The following SEMA5A variants were observed in gnomAD, a reference collection of about 807,000 sequenced individuals.
The protein encoded by SEMA5A is semaphorin 5A.
SEMA5A carries 55 observed loss-of-function variants against 135.5 expected under a neutral mutation model. That is an observed-to-expected ratio of 0.41 (90% confidence interval 0.33 to 0.51). SEMA5A has a LOEUF of 0.51. Ranked by LOEUF, SEMA5A falls within the 20% of genes least tolerant of loss-of-function variation. SEMA5A has a pLI of 0.37. For synonymous variants in SEMA5A, 580 were observed against 546.5 expected (o/e 1.06, Z -0.85); for missense variants, 1,290 against 1,419.9 (o/e 0.91, Z 1.47).
intron 3 of SEMA5A, among the ~76,000 whole-genome samples, chr5:9,354,215 A>G (rs1168622836): frequency 1.3e-5 from 2 of 152,102 alleles, no homozygotes; most frequent in Admixed American, 1.3e-4. Context: ...TCAAGGTACT[A>G]ACCTGCCAAG....
chr5:9,094,552 T>C (rs1739218012), intron 16 of SEMA5A, among the ~76,000 whole-genome samples: 1 of 152,260 alleles, frequency 6.6e-6, no homozygotes, highest in African/African-American at 2.4e-5. Flanking sequence ...ATTCCATCTG[T>C]CTGCCTCTGC....
intron 4 of SEMA5A, among the ~76,000 whole-genome samples, chr5:9,331,336 A>C (rs1289975633): frequency 6.6e-6 from 1 of 152,214 alleles, no homozygotes; most frequent in Admixed American, 6.5e-5. Context: ...CATTTTGTAA[A>C]GAAGAAACTC....
intron 11 of SEMA5A, among the ~76,000 whole-genome samples, chr5:9,158,208 C>T (rs960036401): frequency 7.9e-5 from 12 of 152,136 alleles, no homozygotes; most frequent in Admixed American, 5.2e-4. Flanking sequence ...ATATTTTTCC[C>T]ATTATAATCT....
At chr5:9,372,928 C>T (rs1439216749) in intron 3 of SEMA5A, among the ~76,000 whole-genome samples, 4 of 152,186 alleles carry the variant, frequency 2.6e-5, no homozygotes, top group Non-Finnish European at 5.9e-5. Context: ...GCAGGAGGAG[C>T]AGGTGGCAGG....
chr5:9,347,676 A>G (rs1753936539), intron 3 of SEMA5A, among the ~76,000 whole-genome samples: 1 of 152,202 alleles, frequency 6.6e-6, no homozygotes, highest in Non-Finnish European at 1.5e-5. Context: ...CAGTGAGGGC[A>G]GGAGCAGGGA....
intron 11 of SEMA5A, among the ~76,000 whole-genome samples, chr5:9,156,470 G>A (rs1229552704): frequency 2.0e-5 from 3 of 152,208 alleles, no homozygotes; most frequent in Admixed American, 6.5e-5. Context: ...TTCCTGTGGA[G>A]CAGTGATGGG....
intron 4 of SEMA5A, among the ~76,000 whole-genome samples, chr5:9,324,190 T>C (rs1486686716): frequency 1.3e-5 from 2 of 152,044 alleles, no homozygotes; most frequent in East Asian, 1.9e-4. Flanking sequence ...TGCCTCAGCC[T>C]CCCGAGTAGC....
chr5:9,126,201 C>T (rs1741102088), intron 13 of SEMA5A, among the ~76,000 whole-genome samples: 3 of 152,118 alleles, frequency 2.0e-5, no homozygotes. Context: ...GCAGACACCA[C>T]CATGGGAGCT....
intron 2 of SEMA5A, among the ~76,000 whole-genome samples, chr5:9,381,983 C>CGT (rs1385996116): frequency 7.1e-5 from 7 of 97,956 alleles, no homozygotes; most frequent in South Asian, 6.7e-4. Context: ...TGTGTGTGTG[C>CGT]GCGCGCGCGC....
intron 3 of SEMA5A, among the ~76,000 whole-genome samples, chr5:9,356,606 G>A (rs896076300): frequency 4.6e-5 from 7 of 152,318 alleles, no homozygotes; most frequent in African/African-American, 7.2e-5. Context: ...TCGGGAGCCC[G>A]TGTGGTGTGT....
rs576701583 is a variant in SEMA5A at position 9,084,920 on chromosome 5, G to A, written c.2074-18274C>T. ...TGCTGATAGCGATATGGACAATAAG[G>A]TCCAGGCTGAGGTGGTCTCAAATGG... is the stretch of plus-strand genomic sequence containing the variant. On this transcript the variant is annotated intron_variant, in intron 16 of 22. Coordinates refer to ENST00000382496, the MANE Select transcript of SEMA5A (RefSeq NM_003966.3). Among the ~76,000 whole-genome samples the A allele has an allele frequency of 1.6e-4, 24 of 152,282 alleles. 1 individual carries two copies. In the South Asian group the frequency reaches 5.0e-3, roughly 32 times the overall value.
At chr5:9,534,318 G>A (rs1219110424) in intron 1 of SEMA5A, among the ~76,000 whole-genome samples, 1 of 152,140 alleles carries the variant, frequency 6.6e-6, no homozygotes, top group African/African-American at 2.4e-5. Context: ...AAAACCTCAA[G>A]GCAGGAAGTG....
Position 9,140,718 on chromosome 5 carries a change from CTG to C in SEMA5A, c.1482-4099_1482-4098del, listed in dbSNP as rs530449668. Among the ~76,000 whole-genome samples the C allele has an allele frequency of 2.7e-3, 414 of 152,304 alleles. 1 individual carries two copies. The highest frequency in any genetic ancestry group is 9.1e-3 in the African/African-American group (378 of 41,560). Reference sequence around the variant, plus strand: ...AGTGTATATCACATATGGGAATTCTCTGTGTATGATTCTTTACACAGAGCAAA... The same window carrying C: ...AGTGTATATCACATATGGGAATTCTCTGTATGATTCTTTACACAGAGCAAA... On this transcript the variant is annotated intron_variant, in intron 12 of 22. Transcript: ENST00000382496.
At chr5:9,520,350 GGAGAA>G (rs1736756030) in intron 1 of SEMA5A, among the ~76,000 whole-genome samples, 1 of 152,210 alleles carries the variant, frequency 6.6e-6, no homozygotes, top group African/African-American at 2.4e-5. Flanking sequence ...GGAGGATGAT[GGAGAA>G]GAGAACAGAG....
intron 2 of SEMA5A, among the ~76,000 whole-genome samples, chr5:9,424,052 G>C (rs2126638036): frequency 6.6e-6 from 1 of 152,262 alleles, no homozygotes; most frequent in Non-Finnish European, 1.5e-5. Flanking sequence ...GTAGCAATTT[G>C]ATAACTAAGA....
At chr5:9,148,869 G>A (rs561457380) in intron 12 of SEMA5A, among the ~76,000 whole-genome samples, 23 of 152,174 alleles carry the variant, frequency 1.5e-4, no homozygotes, top group African/African-American at 3.1e-4. Context: ...TCAGGCATGC[G>A]CTACCATGTC....
chr5:9,385,276 T>C (rs1300896087), intron 2 of SEMA5A, among the ~76,000 whole-genome samples: 1 of 152,196 alleles, frequency 6.6e-6, no homozygotes, highest in Admixed American at 6.5e-5. Context: ...TGAATAGGCT[T>C]TGGGGACAGA....
rs1172856487 is a variant in SEMA5A, at chr5:9,083,578, TCATCCATTCATCCATCCATCCATC to T, written c.2074-16956_2074-16933del. On this transcript the variant is annotated intron_variant, in intron 16 of 22. Transcript: ENST00000382496. Reference sequence around the variant, plus strand: ...TCAAAATATCAGGTTTTCCATTCATTCATCCATTCATCCATCCATCCATCCATCCATCCATCCATCCATCCATCC... The same window carrying T: ...TCAAAATATCAGGTTTTCCATTCATTCATCCATCCATCCATCCATCCATCC... Among the ~76,000 whole-genome samples, 193 of 103,258 alleles carry T rather than the reference TCATCCATTCATCCATCCATCCATC, an allele frequency of 1.9e-3. 1 individual carries two copies. The highest frequency in any genetic ancestry group is 2.7e-3 in the African/African-American group (87 of 31,698). The allele number at this position is 103,258 out of a possible 152,430, so 67.7% of individuals were successfully genotyped here.
At chr5:9,227,339 C>T (rs540971881) in intron 6 of SEMA5A, among the ~76,000 whole-genome samples, 8 of 152,196 alleles carry the variant, frequency 5.3e-5, no homozygotes, top group Admixed American at 2.0e-4. Context: ...TGCTAAATGG[C>T]CTTGGACGGG....
Sources: gnomAD v4.1 joint callset for allele counts (sites outside exome capture counted in the v4.1 genomes callset) on GRCh38, gnomAD v4.1.1 for gene constraint, MANE v1.5 for transcripts, NCBI Gene and HGNC (gene_info 2026-07-23, HGNC 2026-07-21) for gene names.